SPON1: variants seen among roughly 807,000 people sequenced by gnomAD.
SPON1 encodes spondin 1.
SPON1 carries 52 observed loss-of-function variants against 111.7 expected under a neutral mutation model. The ratio of observed to expected loss-of-function variants is 0.47; its 90% confidence interval spans 0.37 to 0.59. The LOEUF is 0.59. Ranked by LOEUF, SPON1 falls within the 20% of genes least tolerant of loss-of-function variation. SPON1 has a pLI of 0.00. For synonymous variants in SPON1, 410 were observed against 395.8 expected, an observed-to-expected ratio of 1.04 and a Z score of -0.43; for missense variants, 957 against 1,068.5, an observed-to-expected ratio of 0.90 and a Z score of 1.46.
At chr11:14,189,637 A>G (rs1405056761) in intron 6 of SPON1, among the ~76,000 whole-genome samples, 1 of 152,118 alleles carries the variant, frequency 6.6e-6, no homozygotes, top group East Asian at 1.9e-4. Context: ...ATTGTCTCCA[A>G]CGCAGTTCGC....
At chr11:14,111,932 G>A (rs1849229638) in intron 5 of SPON1, among the ~76,000 whole-genome samples, 1 of 152,022 alleles carries the variant, frequency 6.6e-6, no homozygotes, top group African/African-American at 2.4e-5. Flanking sequence ...ACAGAAACAA[G>A]TCAATAGAAT....
chr11:14,233,624 A>G (rs782306000), intron 6 of SPON1, among the ~76,000 whole-genome samples: 3 of 152,152 alleles, frequency 2.0e-5, no homozygotes, highest in Non-Finnish European at 2.9e-5. Flanking sequence ...CTCACAAGCC[A>G]GGCTGGTGCT....
chr11:13,970,915 CTT>C (rs1364374280), intron 1 of SPON1, among the ~76,000 whole-genome samples: 4 of 152,210 alleles, frequency 2.6e-5, no homozygotes, highest in Non-Finnish European at 1.5e-5. Context: ...AGAGCAAAGA[CTT>C]TGTCTTTCTT....
intron 2 of SPON1, among the ~76,000 whole-genome samples, chr11:13,983,326 C>A (rs781863988): frequency 1.2e-4 from 18 of 152,148 alleles, no homozygotes; most frequent in African/African-American, 4.1e-4. Context: ...AGCTCGGGAC[C>A]GCCAGGCTGG....
At chr11:14,187,949 T>C (rs1314989343) in intron 6 of SPON1, among the ~76,000 whole-genome samples, 1 of 152,150 alleles carries the variant, frequency 6.6e-6, no homozygotes, top group Admixed American at 6.5e-5. Flanking sequence ...GCCTGGCTAA[T>C]TTTGTATTAT....
In SPON1 at chr11:14,135,538, C is replaced by A; in HGVS notation, c.795C>A (p.Pro265=). Reference sequence around the variant, plus strand: ...AACAAGTTGCAGAATTGGGCTCACCCGTGAAAATGGAGGAAGAAATTCGAC... The same window carrying A: ...AACAAGTTGCAGAATTGGGCTCACCAGTGAAAATGGAGGAAGAAATTCGAC... ...GVKQVAELGS[P]VKMEEEIRQQ... Residue 265 remains proline, a synonymous_variant, in exon 6 of 16, where the codon CCC becomes CCA. Transcript: ENST00000576479. The surrounding 1 kb of genome is among the most constrained non-coding windows in gnomAD (Gnocchi z 4.4). 4 of 1,613,140 alleles carry A rather than the reference C, an allele frequency of 2.5e-6. No individual in the cohort carries two copies. The highest frequency in any genetic ancestry group is 3.4e-6 in the Non-Finnish European group (4 of 1,179,414).
intron 2 of SPON1, among the ~76,000 whole-genome samples, chr11:13,995,509 C>T (rs1554911701): frequency 6.6e-6 from 1 of 152,110 alleles, no homozygotes; most frequent in Non-Finnish European, 1.5e-5. Flanking sequence ...ACTTTAAAAC[C>T]ATCAGCTCTC....
At chr11:14,211,026 T>C (rs1175929680) in intron 6 of SPON1, among the ~76,000 whole-genome samples, 1 of 152,170 alleles carries the variant, frequency 6.6e-6, no homozygotes, top group African/African-American at 2.4e-5. Context: ...TAGTTTGAAG[T>C]CAGGTAGTGT....
chr11:14,172,829 C>T (rs529792420), intron 6 of SPON1, among the ~76,000 whole-genome samples: 2 of 152,112 alleles, frequency 1.3e-5, no homozygotes, highest in South Asian at 4.2e-4. Flanking sequence ...CCCCCACTCT[C>T]TTCTGGCTTG....
In SPON1 at chr11:14,140,675, G is replaced by A. The variant is rs111282529; in HGVS notation, c.825+5107G>A. 7.0e-3 allele frequency among the ~76,000 whole-genome samples: 1,071 copies of A among 152,290 alleles called. 9 individuals carry two copies. Among genetic ancestry groups the A allele is most frequent in the African/African-American group, 0.025 (1,025 of 41,552 alleles). ...CTCCCAAAGTGCTAGGATTACAGGC[G>A]TGAGCCACCACACTTGGCCTCAGTA... is the stretch of plus-strand genomic sequence containing the variant. On this transcript the variant is annotated intron_variant, in intron 6 of 15. Coordinates refer to ENST00000576479, the MANE Select transcript of SPON1 (RefSeq NM_006108.4).
intron 6 of SPON1, among the ~76,000 whole-genome samples, chr11:14,172,987 C>T (rs1848125446): frequency 6.6e-6 from 1 of 151,728 alleles, no homozygotes; most frequent in African/African-American, 2.4e-5. Context: ...TTGCTCTTCT[C>T]GAGGAGCATC....
At chr11:14,106,918 G>A (rs1849189130) in intron 5 of SPON1, among the ~76,000 whole-genome samples, 1 of 152,116 alleles carries the variant, frequency 6.6e-6, no homozygotes, top group African/African-American at 2.4e-5. Flanking sequence ...TCCACTGGAA[G>A]GAAAAAGTGT....
At chr11:14,263,054 A>T (rs1164034072) in intron 15 of SPON1, 79 bp downstream of exon 15, 2,812 of 107,798 alleles carry the variant, frequency 0.026, no homozygotes, top group Middle Eastern at 0.033. Flanking sequence ...GGACCTGTTT[A>T]AAAAAAAAAA....
intron 7 of SPON1, among the ~76,000 whole-genome samples, chr11:14,249,284 G>A (rs930100700): frequency 6.6e-5 from 10 of 152,126 alleles, no homozygotes; most frequent in Non-Finnish European, 1.5e-4. Context: ...AAATTGGGCC[G>A]GAAGAGTCAG....
intron 5 of SPON1, among the ~76,000 whole-genome samples, chr11:14,106,439 C>T (rs528880967): frequency 5.3e-5 from 8 of 152,214 alleles, no homozygotes; most frequent in South Asian, 2.1e-4. Context: ...TTCCAAACAA[C>T]GAGTTGAAAA....
chr11:14,099,936 A>G (rs1174667291), intron 5 of SPON1, among the ~76,000 whole-genome samples: 1 of 152,068 alleles, frequency 6.6e-6, no homozygotes, highest in Non-Finnish European at 1.5e-5. Context: ...CCTGTGAACT[A>G]CCAGAGCGAG....
intron 6 of SPON1, among the ~76,000 whole-genome samples, chr11:14,217,829 G>A (rs1210531946): frequency 6.6e-6 from 1 of 152,186 alleles, no homozygotes; most frequent in Non-Finnish European, 1.5e-5. Context: ...GAAGTGCCAA[G>A]CACAGTGCCT....
chr11:14,223,868 G>T (rs1333739604), intron 6 of SPON1, among the ~76,000 whole-genome samples: 1 of 152,216 alleles, frequency 6.6e-6, no homozygotes, highest in African/African-American at 2.4e-5. Context: ...AAACACTGGG[G>T]GGTCCAGGTC....
chr11:14,229,488 C>A (rs1299283824), intron 6 of SPON1, among the ~76,000 whole-genome samples: 1 of 152,122 alleles, frequency 6.6e-6, no homozygotes, highest in Non-Finnish European at 1.5e-5. Flanking sequence ...CTGACAGAAG[C>A]GGAGTGGAGA....
Sources: gnomAD v4.1 joint callset for allele counts (sites outside exome capture counted in the v4.1 genomes callset) on GRCh38, gnomAD v4.1.1 for gene constraint, Gnocchi (gnomAD v3.1) non-coding constraint, MANE v1.5 for transcripts, NCBI Gene and HGNC (gene_info 2026-07-23, HGNC 2026-07-21) for gene names.